The following KIAA1217 variants were observed in gnomAD, a reference collection of about 807,000 sequenced individuals.
KIAA1217 encodes sickle tail protein homolog.
Under a neutral mutation model 163.9 loss-of-function variants are expected in KIAA1217, and 88 were observed. The ratio of observed to expected loss-of-function variants is 0.54; its 90% CI spans 0.45 to 0.64. KIAA1217 has a LOEUF of 0.64. Among genes scored for constraint, KIAA1217 ranks in the 30% least tolerant of loss-of-function variants. KIAA1217 has a pLI of 0.00. For synonymous variants in KIAA1217, 903 were observed against 923.1 expected, an observed-to-expected ratio of 0.98 and a Z score of 0.39; for missense variants, 2,372 against 2,475.0, an observed-to-expected ratio of 0.96 and a Z score of 0.88.
At chr10:23,785,003 A>G (rs939854888) in intron 1 of KIAA1217, among the ~76,000 whole-genome samples, 6 of 152,200 alleles carry the variant, frequency 3.9e-5, no homozygotes, top group Admixed American at 1.3e-4. Flanking sequence ...TACTCTTCCA[A>G]CTGCTACCAG....
intron 2 of KIAA1217, among the ~76,000 whole-genome samples, chr10:24,130,218 A>C (rs527960880): frequency 1.3e-5 from 2 of 152,246 alleles, no homozygotes; most frequent in South Asian, 4.1e-4. Context: ...CCCAGGCTGG[A>C]GCGCAATGGC....
intron 1 of KIAA1217, among the ~76,000 whole-genome samples, chr10:23,961,349 T>C (rs1305761877): frequency 6.6e-6 from 1 of 152,220 alleles, no homozygotes; most frequent in East Asian, 1.9e-4. Flanking sequence ...CCAAGAAACA[T>C]TTTTTAAAGC....
chr10:24,501,618 C>T (rs923568748), intron 9 of KIAA1217, 73 bp downstream of exon 9: 72 of 1,393,170 alleles, frequency 5.2e-5, no homozygotes, highest in Middle Eastern at 5.1e-4. Context: ...CTAGGGGCTC[C>T]GTGAAGACCT....
chr10:23,919,872 C>T (rs1399706192), intron 1 of KIAA1217, among the ~76,000 whole-genome samples: 2 of 152,124 alleles, frequency 1.3e-5, no homozygotes, highest in Non-Finnish European at 2.9e-5. Flanking sequence ...TCCTTGGCCA[C>T]CTAGTTCCTT....
At chr10:24,271,336 A>T (rs1288063704) in intron 2 of KIAA1217, among the ~76,000 whole-genome samples, 1 of 152,046 alleles carries the variant, frequency 6.6e-6, no homozygotes, top group Non-Finnish European at 1.5e-5. Flanking sequence ...TATTGAAAAA[A>T]CCTCACAATA....
At chr10:24,395,542 A>G (rs1236570658) in intron 3 of KIAA1217, among the ~76,000 whole-genome samples, 1 of 152,168 alleles carries the variant, frequency 6.6e-6, no homozygotes, top group Non-Finnish European at 1.5e-5. Context: ...TGCACCTGAG[A>G]ATGTCCCTGG....
In KIAA1217 at chr10:24,083,989, C is replaced by G. The variant is rs2061614808; in HGVS notation, c.-171+76615C>G. ...AGGCTTCAGGAGAGAAACCTAAGAG[C>G]TAAGAAAATATTACAGAGAGTTGTT... is the stretch of plus-strand genomic sequence containing the variant. On this transcript the variant is annotated intron_variant, in intron 2 of 18. Transcript: ENST00000376462. 2.0e-5 allele frequency among the ~76,000 whole-genome samples: 3 copies of G among 152,166 alleles called. No individual in the cohort carries two copies. In the South Asian group the frequency reaches 6.2e-4, roughly 32 times the overall value.
rs543975794 is a variant in KIAA1217, at chr10:24,402,273, A to G, written c.553+21206A>G. ...TGTAATCCCAGCACTTTGGGAGGCC[A>G]AGGCGGGCGGATCACGAGGTCAGGA... On this transcript the variant is annotated intron_variant, in intron 3 of 20. Coordinates refer to ENST00000376454, the MANE Select transcript of KIAA1217 (RefSeq NM_019590.5). Among the ~76,000 whole-genome samples the G allele has an allele frequency of 5.9e-5, 9 of 151,902 alleles. No homozygotes were observed. In the South Asian group the frequency reaches 6.3e-4, roughly 11 times the overall value.
At chr10:23,940,798 C>A (rs935998798) in intron 1 of KIAA1217, among the ~76,000 whole-genome samples, 1 of 152,172 alleles carries the variant, frequency 6.6e-6, no homozygotes, top group Non-Finnish European at 1.5e-5. Context: ...ATCTTTGAAA[C>A]TTCACTCAAC....
At chr10:23,728,216 T>G (rs1838279122) in intron 1 of KIAA1217, among the ~76,000 whole-genome samples, 1 of 152,224 alleles carries the variant, frequency 6.6e-6, no homozygotes, top group Non-Finnish European at 1.5e-5. Flanking sequence ...TATTTTTCGT[T>G]CTAGATCCTT....
intron 2 of KIAA1217, 128 bp downstream of exon 2, chr10:24,220,037 G>T: frequency 1.0e-6 from 1 of 995,108 alleles, no homozygotes; most frequent in Non-Finnish European, 1.4e-6. Flanking sequence ...TAGTTGTTCT[G>T]GATTTCTTTG....
intron 2 of KIAA1217, among the ~76,000 whole-genome samples, chr10:24,249,347 G>C (rs1271374271): frequency 6.6e-6 from 1 of 152,118 alleles, no homozygotes. Flanking sequence ...TAGGGGAAAG[G>C]GGGTAGAATT....
intron 1 of KIAA1217, among the ~76,000 whole-genome samples, chr10:23,809,150 G>C (rs1836870776): frequency 6.6e-6 from 1 of 151,912 alleles, no homozygotes; most frequent in African/African-American, 2.4e-5. Flanking sequence ...GTGTCCTTGA[G>C]AAAGAAGGAA....
intron 1 of KIAA1217, among the ~76,000 whole-genome samples, chr10:23,992,375 C>A (rs186053200): frequency 2.0e-5 from 3 of 152,152 alleles, no homozygotes; most frequent in South Asian, 2.1e-4. Context: ...GTGATGGATC[C>A]AGAAGGAGAT....
chr10:23,899,912 C>CTCTT (rs1050927587), intron 1 of KIAA1217, among the ~76,000 whole-genome samples: 2 of 151,638 alleles, frequency 1.3e-5, no homozygotes, highest in Non-Finnish European at 2.9e-5. Flanking sequence ...CTTTCTTTCC[C>CTCTT]TCTTTCTTTT....
At chr10:23,795,827 T>A (rs1314365253) in intron 1 of KIAA1217, among the ~76,000 whole-genome samples, 1 of 152,192 alleles carries the variant, frequency 6.6e-6, no homozygotes, top group Non-Finnish European at 1.5e-5. Context: ...GGGGTCCAGA[T>A]TGCTATAAAA....
chr10:23,769,068 T>C (rs975416743), intron 1 of KIAA1217, among the ~76,000 whole-genome samples: 8 of 152,204 alleles, frequency 5.3e-5, no homozygotes, highest in Non-Finnish European at 2.9e-5. Context: ...GAGTAATCCA[T>C]GCAGAGCTGG....
At chr10:24,188,053 C>T (rs2131970915) in intron 2 of KIAA1217, among the ~76,000 whole-genome samples, 1 of 151,990 alleles carries the variant, frequency 6.6e-6, no homozygotes, top group Middle Eastern at 3.4e-3. Flanking sequence ...CAAAAATTAG[C>T]CAGGCATGGT....
chr10:24,142,792 T>G (rs1317918971), intron 2 of KIAA1217, among the ~76,000 whole-genome samples: 1 of 152,146 alleles, frequency 6.6e-6, no homozygotes, highest in Non-Finnish European at 1.5e-5. Context: ...GAAACATCAC[T>G]GTTGTCCCTG....
Sources: allele counts gnomAD v4.1 joint callset (sites outside exome capture counted in the v4.1 genomes callset), GRCh38; gene constraint gnomAD v4.1.1; transcripts MANE v1.5; gene names NCBI Gene and HGNC (gene_info 2026-07-23, HGNC 2026-07-21).